Variants in PRSS23 observed in about 807,000 individuals in gnomAD.
PRSS23 encodes protease, serine 23.
PRSS23 carries 25 observed loss-of-function variants against 34.7 expected under a neutral mutation model. The observed-to-expected ratio is 0.72, with a 90% CI of 0.53 to 1.01. PRSS23 has a LOEUF of 1.01. Ranked by LOEUF, PRSS23 falls within the 50% of genes least tolerant of loss-of-function variation. PRSS23 has a pLI of 0.00. For synonymous variants in PRSS23, 176 were observed against 186.6 expected, an observed-to-expected ratio of 0.94 and a Z score of 0.46; for missense variants, 445 against 475.6, an observed-to-expected ratio of 0.94 and a Z score of 0.60.
exon 3 of PRSS23, chr11:86,952,549 T>C (rs1312436529): frequency 3.3e-6 from 5 of 1,514,200 alleles, no homozygotes; most frequent in Admixed American, 1.7e-5. Flanking sequence ...CAAAGCTGAG[T>C]TGAATGCTTC....
chr11:86,873,849 G>GT (rs1280877566), intron 2 of PRSS23, among the ~76,000 whole-genome samples: 1 of 152,192 alleles, frequency 6.6e-6, no homozygotes. Context: ...AGAGGGAGAT[G>GT]TGGAAGCATT....
rs775668009 is a variant in PRSS23 at position 86,808,541 on chromosome 11, G to A, written c.898G>A (p.Glu300Lys). Residue 300 changes from glutamate (E) to lysine (K), a missense_variant, in exon 2 of 2, where the codon GAG becomes AAG. By Grantham distance (56) the Glu-to-Lys change is moderately conservative. Transcript: ENST00000280258. ...LVYRFCDVKD[E>K]TYDLLYQQCD... ...GTATCGCTTCTGTGACGTCAAAGACGAGACCTATGACTTGCTCTACCAGCA... is the reference window on the plus strand; with the variant it reads ...GTATCGCTTCTGTGACGTCAAAGACAAGACCTATGACTTGCTCTACCAGCA... 35 of 1,614,102 alleles carry A rather than the reference G, an allele frequency of 2.2e-5. No homozygotes were observed. Among genetic ancestry groups the A allele is most frequent in the Non-Finnish European group, 2.5e-5 (30 of 1,180,052 alleles).
intron 1 of PRSS23, among the ~76,000 whole-genome samples, chr11:86,806,440 C>T (rs901901850): frequency 1.3e-5 from 2 of 152,166 alleles, no homozygotes; most frequent in Admixed American, 1.3e-4. Context: ...ACTGAATGAC[C>T]GAAGCATCAA....
chr11:86,933,902 C>T (rs1261466280), intron 2 of PRSS23: 4 of 152,086 alleles, frequency 2.6e-5, no homozygotes, highest in African/African-American at 9.7e-5. Context: ...GCGACGAGAT[C>T]ATTGGATTAT....
At chr11:86,875,670 T>C (rs1948718497) in intron 2 of PRSS23, among the ~76,000 whole-genome samples, 1 of 152,210 alleles carries the variant, frequency 6.6e-6, no homozygotes, top group African/African-American at 2.4e-5. Context: ...CTGCGTAATA[T>C]AGAAGGAACA....
intron 2 of PRSS23, among the ~76,000 whole-genome samples, chr11:86,842,121 G>C (rs1948453142): frequency 6.6e-6 from 1 of 152,178 alleles, no homozygotes. Flanking sequence ...TGCAAGGCTT[G>C]TTCAACATAC....
intron 2 of PRSS23, among the ~76,000 whole-genome samples, chr11:86,841,156 A>G (rs1948444245): frequency 6.6e-6 from 1 of 152,070 alleles, no homozygotes; most frequent in South Asian, 2.1e-4. Flanking sequence ...TCTGACCAAC[A>G]TGGAGATACT....
chr11:86,868,977 A>G (rs1011257416), intron 2 of PRSS23, among the ~76,000 whole-genome samples: 4 of 152,024 alleles, frequency 2.6e-5, no homozygotes, highest in Admixed American at 1.3e-4. Context: ...ATGCCCAGCT[A>G]ACCTTTTGTA....
intron 2 of PRSS23, among the ~76,000 whole-genome samples, chr11:86,939,763 C>CT (rs759084279): frequency 1.5e-3 from 102 of 69,056 alleles, no homozygotes; most frequent in Middle Eastern, 7.6e-3. Flanking sequence ...TTGTTTCTTT[C>CT]TTTTTTTTTT....
At chr11:86,894,620 T>G (rs1382692838) in intron 2 of PRSS23, among the ~76,000 whole-genome samples, 1 of 152,092 alleles carries the variant, frequency 6.6e-6, no homozygotes, top group Non-Finnish European at 1.5e-5. Context: ...TGTCTGGCAA[T>G]GTAGGGAAGG....
chr11:86,887,571 T>C (rs973196471), intron 2 of PRSS23, among the ~76,000 whole-genome samples: 2 of 152,214 alleles, frequency 1.3e-5, no homozygotes, highest in Non-Finnish European at 2.9e-5. Flanking sequence ...CTTTAAAAAG[T>C]CAAATAGTCC....
chr11:86,900,976 G>A (rs974642944), intron 2 of PRSS23, among the ~76,000 whole-genome samples: 21 of 151,612 alleles, frequency 1.4e-4, no homozygotes, highest in Admixed American at 1.3e-3. Flanking sequence ...GTAGAGATGG[G>A]GTTTCACCAT....
intron 2 of PRSS23, among the ~76,000 whole-genome samples, chr11:86,879,080 T>A (rs1398547072): frequency 9.2e-6 from 1 of 109,076 alleles, no homozygotes; most frequent in East Asian, 3.3e-4. Context: ...CCGGCCGCCA[T>A]CCCGTCTAGG....
Position 86,927,221 on chromosome 11 carries a change from C to T in PRSS23, c.207-23995C>T, listed in dbSNP as rs544602473. On this transcript the variant is annotated intron_variant, in intron 2 of 2. Coordinates refer to the PRSS23 transcript ENST00000533902. ...AAAGAATCAAGGGCTAAGCAGATAC[C>T]TCAAGGTTTCTATTATAGGCAGGCG... Among the ~76,000 whole-genome samples, 15 of 152,262 alleles carry T rather than the reference C, an allele frequency of 9.9e-5. 1 individual carries two copies. The highest frequency in any genetic ancestry group is 6.5e-4 in the Admixed American group (10 of 15,298).
intron 2 of PRSS23, among the ~76,000 whole-genome samples, chr11:86,849,291 C>A (rs548322235): frequency 2.6e-5 from 4 of 152,342 alleles, no homozygotes; most frequent in African/African-American, 9.6e-5. Flanking sequence ...AATTGGGAGA[C>A]TTTGCTCTCT....
intron 2 of PRSS23, chr11:86,921,178 A>C (rs1180141691): frequency 6.6e-6 from 1 of 152,166 alleles, no homozygotes; most frequent in Non-Finnish European, 1.5e-5. Context: ...TTGTATATCC[A>C]AACCTGACCT....
intron 2 of PRSS23, among the ~76,000 whole-genome samples, chr11:86,900,558 G>T (rs913866142): frequency 5.3e-5 from 8 of 152,194 alleles, no homozygotes; most frequent in African/African-American, 1.9e-4. Context: ...ACAGGGCCCT[G>T]CATGGTCTGG....
At chr11:86,941,484 A>C (rs1949207227) in intron 2 of PRSS23, among the ~76,000 whole-genome samples, 2 of 152,202 alleles carry the variant, frequency 1.3e-5, no homozygotes, top group Non-Finnish European at 2.9e-5. Flanking sequence ...TCAGCTATTC[A>C]ACAAATATTT....
At chr11:86,851,387 C>T (rs1339739781) in intron 2 of PRSS23, among the ~76,000 whole-genome samples, 1 of 152,192 alleles carries the variant, frequency 6.6e-6, no homozygotes, top group Non-Finnish European at 1.5e-5. Flanking sequence ...GTCATCTTAG[C>T]TGCCCTTTCT....
Sources: gnomAD v4.1 joint callset for allele counts (sites outside exome capture counted in the v4.1 genomes callset) on GRCh38, gnomAD v4.1.1 for gene constraint, MANE v1.5 for transcripts, NCBI Gene and HGNC (gene_info 2026-07-23, HGNC 2026-07-21) for gene names.